NRG3: variants seen among roughly 807,000 people sequenced by gnomAD.
NRG3 encodes the protein pro-neuregulin-3, membrane-bound isoform.
In NRG3, 31 loss-of-function variants were observed where a neutral mutation model predicts 66.9. The ratio of observed to expected loss-of-function variants is 0.46; its 90% CI spans 0.35 to 0.63. The LOEUF is 0.63. Ranked by LOEUF, NRG3 falls within the 20% of genes least tolerant of loss-of-function variation. The probability of loss-of-function intolerance (pLI) is 0.00; values close to 1 mark genes in which losing one functional copy is unlikely to be tolerated. For missense variants in NRG3, 910 were observed against 878.9 expected (o/e 1.04, Z -0.45); for synonymous variants, 393 against 359.4 (o/e 1.09, Z -1.06).
chr10:82,213,827 G>GT (rs1376032927), intron 1 of NRG3, among the ~76,000 whole-genome samples: 1 of 152,116 alleles, frequency 6.6e-6, no homozygotes, highest in African/African-American at 2.4e-5. Flanking sequence ...TTCAAAGCAA[G>GT]TTTTTTTGTT....
In NRG3 at chr10:82,758,862, C is replaced by T. The variant is rs1276572773; in HGVS notation, c.1027+20212C>T. Among the ~76,000 whole-genome samples the T allele has an allele frequency of 2.0e-5, 3 of 151,546 alleles. No individual in the cohort carries two copies. The South Asian group carries it at 6.3e-4, about 32-fold the overall frequency. On this transcript the variant is annotated intron_variant, in intron 3 of 8. Transcript: ENST00000372141. ...AGGTAAAACTTGTCTTGGCAAAAGG[C>T]TGGCTCATTACATTCAGTGAATGTT...
intron 2 of NRG3, among the ~76,000 whole-genome samples, chr10:82,391,412 T>C (rs969323177): frequency 2.0e-5 from 3 of 152,198 alleles, no homozygotes; most frequent in African/African-American, 7.2e-5. Flanking sequence ...GCTCTTTAAA[T>C]GTCAACAAAG....
At chr10:82,835,043 C>T (rs1334623159) in intron 3 of NRG3, among the ~76,000 whole-genome samples, 2 of 152,328 alleles carry the variant, frequency 1.3e-5, no homozygotes, top group East Asian at 3.9e-4. Flanking sequence ...CACCTTTTCT[C>T]AAGAAGCTAT....
Position 82,120,009 on chromosome 10 carries a change from C to T in NRG3, c.824-238730C>T, listed in dbSNP as rs1032789651. 2.6e-5 allele frequency among the ~76,000 whole-genome samples: 4 copies of T among 152,066 alleles called. No homozygotes were observed. In the South Asian group the frequency reaches 8.3e-4, roughly 31 times the overall value. On this transcript the variant is annotated intron_variant, in intron 1 of 8. Coordinates refer to ENST00000372141, the MANE Select transcript of NRG3 (RefSeq NM_001010848.4). ...AAGATAATGTTTTAAGGGAATATGA[C>T]ACAGTTACTTCCTAAAATAAATGAA...
chr10:81,880,454 C>T (rs2132466651), intron 1 of NRG3, among the ~76,000 whole-genome samples: 1 of 152,222 alleles, frequency 6.6e-6, no homozygotes, highest in South Asian at 2.1e-4. Flanking sequence ...GTTACTGAAG[C>T]TTTTCTAAAT....
chr10:82,953,939 C>T (rs1258573785), intron 5 of NRG3, among the ~76,000 whole-genome samples: 1 of 137,180 alleles, frequency 7.3e-6, no homozygotes, highest in Non-Finnish European at 1.5e-5. Context: ...ACCTAGGCAA[C>T]AGAGTGAGAT....
chr10:82,527,805 C>T (rs893655552), intron 2 of NRG3, among the ~76,000 whole-genome samples: 6 of 152,088 alleles, frequency 3.9e-5, no homozygotes, highest in African/African-American at 1.4e-4. Flanking sequence ...TCCCTCTCTC[C>T]GTCTCTCCTT....
At chr10:82,083,655 T>C (rs1049350031) in intron 1 of NRG3, among the ~76,000 whole-genome samples, 1 of 150,374 alleles carries the variant, frequency 6.7e-6, no homozygotes, top group Non-Finnish European at 1.5e-5. Context: ...AGTCCAATGG[T>C]GCGATCTCGG....
intron 1 of NRG3, among the ~76,000 whole-genome samples, chr10:82,242,767 G>C (rs980804414): frequency 2.0e-5 from 3 of 152,118 alleles, no homozygotes; most frequent in African/African-American, 7.2e-5. Flanking sequence ...CCCAAATGTT[G>C]TGTTTCTGTA....
intron 2 of NRG3, among the ~76,000 whole-genome samples, chr10:82,587,264 C>T (rs1207584317): frequency 1.3e-5 from 2 of 152,000 alleles, no homozygotes; most frequent in Non-Finnish European, 2.9e-5. Flanking sequence ...ACACCACTCT[C>T]GTTAATTTTA....
intron 2 of NRG3, among the ~76,000 whole-genome samples, chr10:82,556,004 A>T (rs571873463): frequency 1.1e-4 from 17 of 152,118 alleles, no homozygotes; most frequent in Non-Finnish European, 2.4e-4. Flanking sequence ...AGACCACTGT[A>T]TGAAGCTGCT....
chr10:82,766,896 G>A (rs1031674364), intron 3 of NRG3, among the ~76,000 whole-genome samples: 17 of 150,154 alleles, frequency 1.1e-4, no homozygotes, highest in African/African-American at 4.2e-4. Context: ...TAAATATAGC[G>A]TCACCATAAA....
chr10:82,605,261 A>G (rs2047894203), intron 2 of NRG3, among the ~76,000 whole-genome samples: 2 of 152,052 alleles, frequency 1.3e-5, no homozygotes, highest in Non-Finnish European at 2.9e-5. Context: ...GGTATGATAA[A>G]TATTGTTATC....
intron 1 of NRG3, among the ~76,000 whole-genome samples, chr10:82,284,110 T>C (rs1045349034): frequency 6.6e-6 from 1 of 152,206 alleles, no homozygotes; most frequent in African/African-American, 2.4e-5. Context: ...TGCCACCTGA[T>C]GTTAGTGACA....
intron 1 of NRG3, among the ~76,000 whole-genome samples, chr10:81,935,919 A>ACACACACACCC (rs1192033295): frequency 6.8e-6 from 1 of 146,648 alleles, no homozygotes; most frequent in African/African-American, 2.6e-5. Context: ...ACACACACAC[A>ACACACACACCC]CACACAGTTT....
At chr10:82,269,751 C>G (rs949487882) in intron 1 of NRG3, among the ~76,000 whole-genome samples, 15 of 152,098 alleles carry the variant, frequency 9.9e-5, no homozygotes, top group Admixed American at 3.3e-4. Context: ...TGCTAGGTCC[C>G]CCTTGAGAAG....
chr10:82,946,189 T>G (rs1848998581), intron 4 of NRG3, among the ~76,000 whole-genome samples: 1 of 149,490 alleles, frequency 6.7e-6, no homozygotes, highest in Non-Finnish European at 1.5e-5. Flanking sequence ...CTCTTTGAAC[T>G]AGTGACATTT....
chr10:82,535,901 T>TC, intron 2 of NRG3, among the ~76,000 whole-genome samples: 1 of 113,812 alleles, frequency 8.8e-6, no homozygotes, highest in Admixed American at 1.0e-4. Context: ...TTTAAAGTAG[T>TC]CTTTTTTTTT....
At chr10:82,240,009 T>A (rs944314232) in intron 1 of NRG3, among the ~76,000 whole-genome samples, 5 of 152,124 alleles carry the variant, frequency 3.3e-5, no homozygotes, top group Admixed American at 2.0e-4. Flanking sequence ...TAAGTGCAAG[T>A]CATATTTTAT....
Sources: allele counts gnomAD v4.1 joint callset (sites outside exome capture counted in the v4.1 genomes callset), GRCh38; gene constraint gnomAD v4.1.1; transcripts MANE v1.5; gene names NCBI Gene and HGNC (gene_info 2026-07-23, HGNC 2026-07-21).